The following GPATCH2 variants were observed in gnomAD, a reference collection of about 807,000 sequenced individuals.
GPATCH2 encodes G patch domain-containing protein 2.
Under a neutral mutation model 58.0 loss-of-function variants are expected in GPATCH2, and 51 were observed. That is an observed-to-expected ratio of 0.88 (90% CI 0.70 to 1.11). The LOEUF is 1.11. Ranked by LOEUF, GPATCH2 falls within the 50% of genes most tolerant of loss-of-function variation. The pLI, the probability that GPATCH2 is intolerant of heterozygous loss-of-function variation, is 0.00. For missense variants in GPATCH2, 625 were observed against 652.2 expected (o/e 0.96, Z 0.45); for synonymous variants, 222 against 218.5 (o/e 1.02, Z -0.14).
intron 5 of GPATCH2, among the ~76,000 whole-genome samples, chr1:217,581,737 G>C (rs1316375512): frequency 6.6e-6 from 1 of 152,164 alleles, no homozygotes; most frequent in Non-Finnish European, 1.5e-5. Context: ...CAGATCACGA[G>C]GTCAGGAGTT....
rs150083600 is a variant in GPATCH2 at position 217,513,108 on chromosome 1, G to T, written c.1166+1714C>A. Among the ~76,000 whole-genome samples, 9 of 152,216 alleles carry T rather than the reference G, an allele frequency of 5.9e-5. No homozygotes were observed. In the East Asian group the frequency reaches 1.7e-3, roughly 29 times the overall value. On this transcript the variant is annotated intron_variant, in intron 6 of 9. Transcript: ENST00000366935. ...AGTTCGAGACCAGCCTAGCCAACAC[G>T]GGGATACCCCATCTCTACTAAAAAT...
chr1:217,556,757 A>G (rs1053891367), intron 5 of GPATCH2, among the ~76,000 whole-genome samples: 3 of 152,170 alleles, frequency 2.0e-5, no homozygotes, highest in African/African-American at 7.2e-5. Context: ...TGAGATATGC[A>G]TTCTTTACTG....
Position 217,619,812 on chromosome 1 carries a change from T to A in GPATCH2, c.744A>T (p.Gln248His). The A allele has an allele frequency of 6.3e-7, 1 of 1,596,874 alleles. No homozygotes were observed. Residue 248 changes from glutamine to histidine, a missense_variant, in exon 2 of 10, where the codon CAA (glutamine) becomes CAT (histidine). Gln to His is a conservative substitution (Grantham distance 24). Coordinates refer to ENST00000366935, the MANE Select transcript of GPATCH2 (RefSeq NM_018040.5). ...TNKDKMECEE[Q>H]KVSDELMSES... ...CACTCATGAGCTCATCTGAGACTTT[T>A]TGCTCTTCACATTCCATTTTGTCCT...
intron 5 of GPATCH2, among the ~76,000 whole-genome samples, chr1:217,570,995 T>C (rs1263751525): frequency 6.6e-6 from 1 of 152,238 alleles, no homozygotes; most frequent in African/African-American, 2.4e-5. Context: ...GGAATAAATC[T>C]GTAAAGATGT....
intron 5 of GPATCH2, among the ~76,000 whole-genome samples, chr1:217,534,499 A>G (rs1292718649): frequency 1.3e-5 from 2 of 152,142 alleles, no homozygotes; most frequent in Admixed American, 1.3e-4. Flanking sequence ...CTATAAAATA[A>G]GGCCATTTTT....
At chr1:217,521,972 A>C (rs1233820610) in intron 5 of GPATCH2, among the ~76,000 whole-genome samples, 4 of 152,178 alleles carry the variant, frequency 2.6e-5, no homozygotes, top group African/African-American at 9.7e-5. Flanking sequence ...TTTCGAAGCG[A>C]TCTCACTATA....
intron 6 of GPATCH2, among the ~76,000 whole-genome samples, chr1:217,504,761 A>G (rs1662469538): frequency 6.6e-6 from 1 of 152,090 alleles, no homozygotes; most frequent in Admixed American, 6.6e-5. Context: ...AAGTACTATC[A>G]TGTTTTGGGG....
chr1:217,511,984 C>T (rs1009629792), intron 6 of GPATCH2, among the ~76,000 whole-genome samples: 5 of 152,020 alleles, frequency 3.3e-5, no homozygotes, highest in Non-Finnish European at 5.9e-5. Context: ...GTAAGGGGTG[C>T]GCCTGAAGAA....
At chr1:217,615,439 TTCTTA>T (rs1388786452) in intron 2 of GPATCH2, among the ~76,000 whole-genome samples, 3 of 152,090 alleles carry the variant, frequency 2.0e-5, no homozygotes, top group Non-Finnish European at 4.4e-5. Context: ...CAACCAAATT[TTCTTA>T]TTTACAAATA....
chr1:217,618,971 A>G (rs1669043144), intron 2 of GPATCH2, among the ~76,000 whole-genome samples: 1 of 151,970 alleles, frequency 6.6e-6, no homozygotes, highest in South Asian at 2.1e-4. Context: ...TCGAAAAAAA[A>G]AAAAAGATAG....
intron 5 of GPATCH2, among the ~76,000 whole-genome samples, chr1:217,607,481 A>G (rs770487726): frequency 6.6e-6 from 1 of 152,162 alleles, no homozygotes; most frequent in Non-Finnish European, 1.5e-5. Context: ...GATGTGCCTT[A>G]TAGAGAAAAG....
At chr1:217,590,083 C>T (rs1025202395) in intron 5 of GPATCH2, among the ~76,000 whole-genome samples, 5 of 150,846 alleles carry the variant, frequency 3.3e-5, no homozygotes, top group Non-Finnish European at 5.9e-5. Context: ...TGTAGTGGCA[C>T]GATCTTGGCT....
chr1:217,539,194 T>C (rs1213963581), intron 5 of GPATCH2, among the ~76,000 whole-genome samples: 5 of 152,140 alleles, frequency 3.3e-5, no homozygotes, highest in Non-Finnish European at 7.4e-5. Flanking sequence ...AGCTCGATTC[T>C]AATATATTAA....
chr1:217,436,955 G>C (rs915289710), intron 9 of GPATCH2, among the ~76,000 whole-genome samples: 5 of 152,160 alleles, frequency 3.3e-5, no homozygotes, highest in Admixed American at 6.5e-5. Flanking sequence ...TGGCTGAATA[G>C]GAACAGCTCC....
rs138166369 is a variant in GPATCH2, at chr1:217,524,186, G to C, written c.1099-9297C>G. Among the ~76,000 whole-genome samples the C allele has an allele frequency of 3.5e-5, 5 of 144,440 alleles. 1 individual carries two copies. Among genetic ancestry groups the C allele is most frequent in the African/African-American group, 1.3e-4 (5 of 38,404 alleles). The allele number at this position is 144,440 out of a possible 152,430, so 94.8% of individuals were successfully genotyped here. A position where few individuals can be genotyped will look rare whatever the true frequency, so the allele number is the denominator to read the frequency against. On this transcript the variant is annotated intron_variant, in intron 5 of 9. Transcript: ENST00000366935. ...AGGCTCCTCACTTCTCAGACGGGGC[G>C]GCTGCTGGGCGGAGGGGCTCCTCAC...
intron 9 of GPATCH2, among the ~76,000 whole-genome samples, chr1:217,437,016 T>A (rs1176775216): frequency 6.6e-6 from 1 of 152,082 alleles, no homozygotes; most frequent in Non-Finnish European, 1.5e-5. Flanking sequence ...ATTTCTGCAT[T>A]TCCAGCTGAG....
chr1:217,510,795 A>G (rs948953742), intron 6 of GPATCH2, among the ~76,000 whole-genome samples: 1 of 151,934 alleles, frequency 6.6e-6, no homozygotes, highest in Non-Finnish European at 1.5e-5. Flanking sequence ...CCAGTTGCTG[A>G]AAAAAAAGAA....
chr1:217,616,425 T>G (rs1247833176), intron 2 of GPATCH2, among the ~76,000 whole-genome samples: 1 of 152,168 alleles, frequency 6.6e-6, no homozygotes, highest in Non-Finnish European at 1.5e-5. Context: ...GGTATGCCTA[T>G]CTCCACTCTC....
At chr1:217,589,245 G>A (rs545771110) in intron 5 of GPATCH2, among the ~76,000 whole-genome samples, 3 of 151,954 alleles carry the variant, frequency 2.0e-5, no homozygotes, top group Admixed American at 6.6e-5. Context: ...GGCAGACCAC[G>A]GCCCGCCCAT....
Sources: allele counts gnomAD v4.1 joint callset (sites outside exome capture counted in the v4.1 genomes callset), GRCh38; gene constraint gnomAD v4.1.1; transcripts MANE v1.5; gene names NCBI Gene and HGNC (gene_info 2026-07-23, HGNC 2026-07-21).